ODAD2: variants seen among roughly 807,000 people sequenced by gnomAD.
ODAD2 encodes the protein outer dynein arm docking complex subunit 2, also known as outer dynein arm-docking complex subunit 2.
A neutral mutation model predicts 106.8 loss-of-function variants in ODAD2; 89 were observed. The observed-to-expected ratio is 0.83, with a 90% CI of 0.70 to 0.99. The LOEUF is 0.99. Among genes scored for constraint, ODAD2 ranks in the 50% least tolerant of loss-of-function variants. ODAD2 has a pLI of 0.00. For missense variants in ODAD2, 1,168 were observed against 1,238.5 expected (o/e 0.94, Z 0.85); for synonymous variants, 404 against 436.2 (o/e 0.93, Z 0.92).
chr10:27,952,765 T>C (rs1847449215), intron 10 of ODAD2, among the ~76,000 whole-genome samples: 1 of 152,236 alleles, frequency 6.6e-6, no homozygotes, highest in African/African-American at 2.4e-5. Context: ...CTCTGGCTAA[T>C]TTCACTCTGA....
chr10:27,860,848 T>G lies in ODAD2; in HGVS notation c.2800-2A>C. ...ATGATGTCTCAATTTATTGTTATTC[T>G]GTGCAAGGGAAAATGAAATGGGATC... is the stretch of plus-strand genomic sequence containing the variant. On this transcript the variant is annotated splice_acceptor_variant, in intron 18 of 19. Coordinates refer to ENST00000305242, the MANE Select transcript of ODAD2 (RefSeq NM_018076.5). LOFTEE classifies it high-confidence loss of function. 6.2e-7 allele frequency: 1 copy of G among 1,613,160 alleles called. No homozygotes were observed.
chr10:27,901,779 G>A (rs2133808936), intron 17 of ODAD2, among the ~76,000 whole-genome samples: 1 of 152,298 alleles, frequency 6.6e-6, no homozygotes, highest in Admixed American at 6.5e-5. Context: ...AAATATATAT[G>A]CACCCAGTAC....
chr10:27,957,625 G>C (rs558039224), intron 10 of ODAD2: 1 of 152,318 alleles, frequency 6.6e-6, no homozygotes, highest in South Asian at 2.1e-4. Context: ...GAGTAAAAAT[G>C]TGATACATTC....
At chr10:27,867,158 G>T (rs1369508199) in intron 17 of ODAD2, among the ~76,000 whole-genome samples, 1 of 152,088 alleles carries the variant, frequency 6.6e-6, no homozygotes, top group Non-Finnish European at 1.5e-5. Context: ...AGCACAAGCA[G>T]ACTTGGAGGG....
chr10:27,836,633 T>C (rs575024728), intron 19 of ODAD2, among the ~76,000 whole-genome samples: 137 of 152,342 alleles, frequency 9.0e-4, no homozygotes, highest in Non-Finnish European at 1.5e-3. Flanking sequence ...CTTTAGGGCC[T>C]ATGAGCTTGC....
intron 19 of ODAD2, among the ~76,000 whole-genome samples, chr10:27,846,295 A>T (rs537497770): frequency 2.6e-4 from 40 of 152,200 alleles, no homozygotes; most frequent in African/African-American, 8.9e-4. Flanking sequence ...AACTACATGG[A>T]AACTGAACAA....
In ODAD2 at chr10:27,935,167, A is replaced by G. The variant is rs2134086481; in HGVS notation, c.2338T>C (p.Leu780=). Residue 780 remains leucine, a synonymous_variant, in exon 16 of 20, where the codon TTG becomes CTG. Coordinates refer to ENST00000305242, the MANE Select transcript of ODAD2 (RefSeq NM_018076.5). ...TCACGTTCTTGGCAGCATTCTCCCA[A>G]GGCCCCAACCACATTCACAAGTACT... The part of the protein sequence containing the change: ...EEVLVNVVGA[L]GECCQERENR... 3.1e-6 allele frequency: 5 copies of G among 1,614,042 alleles called. No homozygotes were observed. The East Asian group carries it at 1.1e-4, about 36-fold the overall frequency.
chr10:27,979,036 C>A (rs1849369218), intron 7 of ODAD2, among the ~76,000 whole-genome samples: 1 of 151,828 alleles, frequency 6.6e-6, no homozygotes, highest in Non-Finnish European at 1.5e-5. Context: ...ATGGTGAAAC[C>A]CCATCTCTAC....
intron 17 of ODAD2, among the ~76,000 whole-genome samples, chr10:27,872,922 G>C (rs1191956854): frequency 6.6e-6 from 1 of 152,170 alleles, no homozygotes; most frequent in East Asian, 1.9e-4. Context: ...AATAGTTTCA[G>C]AAGGAATGGT....
intron 19 of ODAD2, among the ~76,000 whole-genome samples, chr10:27,849,497 A>G (rs1335234844): frequency 6.6e-6 from 1 of 152,138 alleles, no homozygotes; most frequent in Admixed American, 6.5e-5. Context: ...ACATGTACAC[A>G]TAGGTAAAAA....
chr10:27,862,690 G>T, intron 17 of ODAD2, 68 bp from the exon 18 acceptor site: 2 of 1,214,758 alleles, frequency 1.6e-6, no homozygotes, highest in African/African-American at 1.5e-5. Context: ...TTAAGAGGCA[G>T]AAAGTAACAA....
chr10:27,935,297 T>A, intron 15 of ODAD2, 45 bp from the exon 16 acceptor site: 1 of 1,605,326 alleles, frequency 6.2e-7, no homozygotes, highest in Non-Finnish European at 8.5e-7. Flanking sequence ...TTGTATAAGG[T>A]TTGCTAAAAA....
At chr10:27,923,299 T>C (rs1407641571) in intron 16 of ODAD2, among the ~76,000 whole-genome samples, 1 of 152,114 alleles carries the variant, frequency 6.6e-6, no homozygotes, top group African/African-American at 2.4e-5. Flanking sequence ...TAAAAAAGTG[T>C]AGATCAAGAT....
At chr10:27,934,029 T>C (rs1057321868) in intron 16 of ODAD2, among the ~76,000 whole-genome samples, 1 of 152,162 alleles carries the variant, frequency 6.6e-6, no homozygotes, top group African/African-American at 2.4e-5. Context: ...GTCTTTCCCA[T>C]GCTGTTCTCA....
At chr10:27,978,028 C>T (rs546809934) in intron 7 of ODAD2, among the ~76,000 whole-genome samples, 27 of 152,310 alleles carry the variant, frequency 1.8e-4, no homozygotes, top group African/African-American at 6.0e-4. Flanking sequence ...CACATTGAAA[C>T]TATATGATCA....
chr10:27,819,673 G>A (rs928471616), intron 19 of ODAD2, among the ~76,000 whole-genome samples: 3 of 151,552 alleles, frequency 2.0e-5, no homozygotes, highest in African/African-American at 4.9e-5. Flanking sequence ...AGGCTGAGAC[G>A]GGAGGATGGC....
chr10:27,856,527 G>A (rs1301310901), intron 19 of ODAD2, among the ~76,000 whole-genome samples: 1 of 151,986 alleles, frequency 6.6e-6, no homozygotes, highest in Admixed American at 6.6e-5. Flanking sequence ...TAAACTCTCT[G>A]CCAAAAACAT....
At chr10:27,939,129 T>C (rs2134123855) in intron 14 of ODAD2, among the ~76,000 whole-genome samples, 1 of 150,768 alleles carries the variant, frequency 6.6e-6, no homozygotes, top group South Asian at 2.1e-4. Context: ...AGTAAAAAGA[T>C]AAAACAGGAA....
At chr10:27,978,088 C>T (rs1042692091) in intron 7 of ODAD2, among the ~76,000 whole-genome samples, 5 of 152,042 alleles carry the variant, frequency 3.3e-5, no homozygotes, top group Admixed American at 6.5e-5. Flanking sequence ...TGTAATAGCC[C>T]GAAACCTGAA....
Sources: allele counts gnomAD v4.1 joint callset (sites outside exome capture counted in the v4.1 genomes callset), GRCh38; gene constraint gnomAD v4.1.1; transcripts MANE v1.5; gene names NCBI Gene and HGNC (gene_info 2026-07-23, HGNC 2026-07-21).